Variants in BTN2A2 observed in about 807,000 individuals in gnomAD.
BTN2A2 encodes the protein butyrophilin subfamily 2 member A2.
In BTN2A2, 29 loss-of-function variants were observed where a neutral mutation model predicts 34.7. That is an observed-to-expected ratio of 0.84 (90% CI 0.62 to 1.14). The LOEUF (loss-of-function observed/expected upper bound fraction) is 1.14, where lower values mean the gene tolerates loss of function less well. Among genes scored for constraint, BTN2A2 ranks in the 50% most tolerant of loss-of-function variants. BTN2A2 has a pLI of 0.00. For missense variants in BTN2A2, 612 were observed against 651.5 expected (o/e 0.94, Z 0.66); for synonymous variants, 240 against 253.1 (o/e 0.95, Z 0.49).
chr6:26,388,486 G>A (rs1292702218), intron 4 of BTN2A2, among the ~76,000 whole-genome samples, 192 bp downstream of exon 4: 1 of 152,158 alleles, frequency 6.6e-6, no homozygotes, highest in Non-Finnish European at 1.5e-5. Context: ...AAACACAAGA[G>A]TAGGAGCCTC....
Position 26,392,516 on chromosome 6 carries a change from G to C in BTN2A2, c.1121G>C (p.Trp374Ser). ...RFDSQPCVLG[W>S]ESFASGKHYW... is the part of the protein sequence containing the mutation. The stretch of plus-strand genomic sequence containing the variant: ...GACAGTCAGCCTTGTGTCCTGGGAT[G>C]GGAGAGCTTCGCCTCAGGGAAACAT... The change falls in exon 8 of 8, where the codon TGG becomes TCG. Residue 374 changes from tryptophan to serine, a missense_variant. Transcript: ENST00000356709. 6.2e-7 allele frequency: 1 copy of C among 1,614,226 alleles called. No homozygotes were observed. The highest frequency in any genetic ancestry group is 8.5e-7 in the Non-Finnish European group (1 of 1,180,046).
At position 26,393,835 on chromosome 6, in the gene BTN2A2, T is replaced by C. The variant is rs951673396; in HGVS notation, c.*868T>C. 1 of 886,742 alleles carries C rather than the reference T, an allele frequency of 1.1e-6. No individual in the cohort carries two copies. Among genetic ancestry groups the C allele is most frequent in the Non-Finnish European group, 1.4e-6 (1 of 739,834 alleles). The allele number at this position is 886,742 out of a possible 1,614,324, so 54.9% of individuals were successfully genotyped here. ...TTTAAAGAGCTTTTGTTTATTTGGG[T>C]TAATATTTATGACATTTGACATTGA... On this transcript the variant is annotated 3_prime_UTR_variant, in exon 8 of 8. Transcript: ENST00000356709.
chr6:26,392,574 G>A lies in BTN2A2; in HGVS notation c.1179G>A (p.Val393=). ...YWEVEVENVM[V]WTVGVCRHSV... is the part of the protein sequence containing the mutation. ...AGGTGGAGGTGGAAAACGTGATGGT[G>A]TGGACTGTGGGGGTCTGCAGACACA... is the stretch of plus-strand genomic sequence containing the variant. The change falls in exon 8 of 8, where the codon GTG becomes GTA. Residue 393 remains valine, a synonymous_variant. Coordinates refer to ENST00000356709, the MANE Select transcript of BTN2A2 (RefSeq NM_006995.5). 6.2e-7 allele frequency: 1 copy of A among 1,614,228 alleles called. No homozygotes were observed. Among genetic ancestry groups the A allele is most frequent in the Non-Finnish European group, 8.5e-7 (1 of 1,180,020 alleles).
Position 26,385,151 on chromosome 6 carries a change from C to T in BTN2A2, c.231C>T (p.Pro77=), listed in dbSNP as rs776513607. The T allele has an allele frequency of 9.3e-6, 15 of 1,613,888 alleles. No homozygotes were observed. Among genetic ancestry groups the T allele is most frequent in the East Asian group, 2.2e-5 (1 of 44,882 alleles). ...GGTGGTTCCGGTCTCAGTTCTCCCC[C>T]GCAGTGTTTGTGTATAAGGGTGGGA... is the stretch of plus-strand genomic sequence containing the variant. ...EVRWFRSQFS[P]AVFVYKGGRE... is the part of the protein sequence containing the mutation. Residue 77 remains proline (P), a synonymous_variant, in exon 3 of 8, where the codon CCC becomes CCT. Coordinates refer to ENST00000356709, the MANE Select transcript of BTN2A2 (RefSeq NM_006995.5).
chr6:26,393,453 G>A lies in BTN2A2; in HGVS notation c.*486G>A, dbSNP rs1761726973. ...AGAGGAAGTGGAACCAGAGAGCTGG[G>A]AGGGACCAAGGTTGTAAGGATGGCT... On this transcript the variant is annotated 3_prime_UTR_variant, in exon 8 of 8. Transcript: ENST00000356709. 2.8e-6 allele frequency: 3 copies of A among 1,075,738 alleles called. No individual in the cohort carries two copies. The highest frequency in any genetic ancestry group is 4.9e-5 in the Admixed American group (1 of 20,604). 66.6% of individuals were successfully genotyped at this position (1,075,738 alleles called of 1,614,324 possible). A position where few individuals can be genotyped will look rare whatever the true frequency, so the allele number is the denominator to read the frequency against.
At chr6:26,390,629 C>A (rs1761517257) in intron 5 of BTN2A2, 58 bp from the exon 6 acceptor site, 1 of 1,611,058 alleles carries the variant, frequency 6.2e-7, no homozygotes, top group African/African-American at 1.3e-5. Flanking sequence ...AATACAAGCT[C>A]AATTTCTCTT....
rs935622788 is a variant in BTN2A2, at chr6:26,394,406, A to C, written c.*1439A>C. The C allele has an allele frequency of 1.0e-5, 7 of 676,070 alleles. No individual in the cohort carries two copies. In the African/African-American group the frequency reaches 1.2e-4, roughly 12 times the overall value. 41.9% of individuals were successfully genotyped at this position (676,070 alleles called of 1,614,324 possible). On this transcript the variant is annotated 3_prime_UTR_variant, in exon 8 of 8. Transcript: ENST00000356709. Reference sequence around the variant, plus strand: ...GAGATTGGCAAGTGAGTCAGTGGGAAATTCTCTCCTTCTGTTGGCTGGGTG... The same window carrying C: ...GAGATTGGCAAGTGAGTCAGTGGGACATTCTCTCCTTCTGTTGGCTGGGTG...
At chr6:26,390,625 A>G in intron 5 of BTN2A2, 62 bp from the exon 6 acceptor site, 1 of 1,609,250 alleles carries the variant, frequency 6.2e-7, no homozygotes, top group Non-Finnish European at 8.5e-7. Flanking sequence ...GTTTAATACA[A>G]GCTCAATTTC....
chr6:26,390,545 G>A (rs1761510689), intron 5 of BTN2A2, 142 bp from the exon 6 acceptor site: 2 of 1,028,442 alleles, frequency 1.9e-6, no homozygotes, highest in Non-Finnish European at 1.5e-6. Context: ...ATCATTGCTG[G>A]TTTCTGACTG....
rs995200197 is a variant in BTN2A2, at chr6:26,385,849, C to T, written c.442+487C>T. ...ACAGGCGTGCGCCACCACGCCCAGC[C>T]TGGGCTTCACTTCTTCAGAAGCACA... On this transcript the variant is annotated intron_variant, in intron 3 of 7. Transcript: ENST00000356709. Among the ~76,000 whole-genome samples the T allele has an allele frequency of 2.6e-5, 4 of 152,214 alleles. No homozygotes were observed. The East Asian group carries it at 7.7e-4, about 29-fold the overall frequency.
At chr6:26,390,405 A>G (rs1761500375) in intron 5 of BTN2A2, 194 bp downstream of exon 5, 1 of 694,502 alleles carries the variant, frequency 1.4e-6, no homozygotes, top group East Asian at 2.7e-5. Context: ...GTAATCATTC[A>G]GAGCTTTCTT....
Position 26,394,171 on chromosome 6 carries a change from T to G in BTN2A2, c.*1204T>G. The G allele has an allele frequency of 1.7e-6, 1 of 589,148 alleles. No individual in the cohort carries two copies. Among genetic ancestry groups the G allele is most frequent in the Non-Finnish European group, 3.0e-6 (1 of 329,558 alleles). The allele number at this position is 589,148 out of a possible 1,614,324, so 36.5% of individuals were successfully genotyped here. A position where few individuals can be genotyped will look rare whatever the true frequency, so the allele number is the denominator to read the frequency against. ...GATTAATGTTTCATTATTATTATTG[T>G]GAAAATATTATTAACACTGGGGACT... On this transcript the variant is annotated 3_prime_UTR_variant, in exon 8 of 8. Coordinates refer to ENST00000356709, the MANE Select transcript of BTN2A2 (RefSeq NM_006995.5).
In BTN2A2 at chr6:26,385,088, T is replaced by C; in HGVS notation, c.168T>C (p.His56=). The C allele has an allele frequency of 1.9e-6, 3 of 1,613,982 alleles. No homozygotes were observed. The highest frequency in any genetic ancestry group is 2.5e-6 in the Non-Finnish European group (3 of 1,179,920). ...GAGAAAACACTACATTACGCTGCCA[T>C]CTGTCACCCGAGAAAAATGCTGAGG... ...MVGENTTLRC[H]LSPEKNAEDM... is the part of the protein sequence containing the mutation. Residue 56 remains histidine (H), a synonymous_variant, in exon 3 of 8, where the codon CAT becomes CAC. Transcript: ENST00000356709.
chr6:26,393,253 G>T lies in BTN2A2; in HGVS notation c.*286G>T, dbSNP rs534743424. ...CAAAAAGAAAGTGAGAGAAGCTGTTGGGCAGCGAACCTACTGTTTAAAATC... is the reference window on the plus strand; with the variant it reads ...CAAAAAGAAAGTGAGAGAAGCTGTTTGGCAGCGAACCTACTGTTTAAAATC... On this transcript the variant is annotated 3_prime_UTR_variant, in exon 8 of 8. Coordinates refer to ENST00000356709, the MANE Select transcript of BTN2A2 (RefSeq NM_006995.5). 17 of 1,448,480 alleles carry T rather than the reference G, an allele frequency of 1.2e-5. No homozygotes were observed. The South Asian group carries it at 2.1e-4, about 18-fold the overall frequency. 89.7% of individuals were successfully genotyped at this position (1,448,480 alleles called of 1,614,324 possible). A position where few individuals can be genotyped will look rare whatever the true frequency, so the allele number is the denominator to read the frequency against.
intron 7 of BTN2A2, chr6:26,391,836 T>C (rs1412436188): frequency 1.6e-5 from 3 of 187,560 alleles, no homozygotes; most frequent in African/African-American, 7.1e-5. Flanking sequence ...TCCTTTGAAG[T>C]GTGCCCTTGT....
intron 7 of BTN2A2, chr6:26,392,100 G>A: frequency 1.1e-6 from 1 of 886,192 alleles, no homozygotes; most frequent in South Asian, 1.6e-5. Flanking sequence ...GAAAAACTGG[G>A]AACCATTAAT....
intron 4 of BTN2A2, among the ~76,000 whole-genome samples, chr6:26,389,333 T>C (rs1005435601): frequency 2.0e-5 from 3 of 152,024 alleles, no homozygotes; most frequent in African/African-American, 7.3e-5. Flanking sequence ...AGATGGAAAT[T>C]GAGCAATCAA....
In BTN2A2 at chr6:26,394,338, T is replaced by C. The variant is rs1761766662; in HGVS notation, c.*1371T>C. On this transcript the variant is annotated 3_prime_UTR_variant, in exon 8 of 8. Coordinates refer to ENST00000356709, the MANE Select transcript of BTN2A2 (RefSeq NM_006995.5). ...GATTAAGGAATACCTAGACAGCTGG[T>C]ACAACATTATTTCTGGGTGTGTCTG... is the stretch of plus-strand genomic sequence containing the variant. 1.4e-6 allele frequency: 1 copy of C among 700,426 alleles called. No homozygotes were observed. The highest frequency in any genetic ancestry group is 2.0e-5 in the Admixed American group (1 of 49,964). The allele number at this position is 700,426 out of a possible 1,614,324, so 43.4% of individuals were successfully genotyped here. A position where few individuals can be genotyped will look rare whatever the true frequency, so the allele number is the denominator to read the frequency against.
chr6:26,386,680 T>C (rs1422942733), intron 3 of BTN2A2, among the ~76,000 whole-genome samples: 2 of 152,236 alleles, frequency 1.3e-5, no homozygotes, highest in Admixed American at 1.3e-4. Context: ...CTAGTCTGAA[T>C]TGGGTTGCTG....
Sources: gnomAD v4.1 joint callset for allele counts (sites outside exome capture counted in the v4.1 genomes callset) on GRCh38, gnomAD v4.1.1 for gene constraint, MANE v1.5 for transcripts, NCBI Gene and HGNC (gene_info 2026-07-23, HGNC 2026-07-21) for gene names.